VAPB: variants seen among roughly 807,000 people sequenced by gnomAD.
The protein encoded by VAPB is vesicle-associated membrane protein-associated protein B/C.
In VAPB, 7 loss-of-function variants were observed where a neutral mutation model predicts 25.6. That is an observed-to-expected ratio of 0.27 (90% confidence interval 0.16 to 0.51). The LOEUF (loss-of-function observed/expected upper bound fraction) is 0.51. VAPB is among the 20% of genes least tolerant of loss of function. The pLI, the probability that VAPB is intolerant of heterozygous loss-of-function variation, is 0.97. For synonymous variants in VAPB, 112 were observed against 109.2 expected, an observed-to-expected ratio of 1.03 and a Z score of -0.16; for missense variants, 266 against 301.3, an observed-to-expected ratio of 0.88 and a Z score of 0.87.
At chr20:58,424,042 C>T (rs927314424) in intron 2 of VAPB, among the ~76,000 whole-genome samples, 1 of 152,124 alleles carries the variant, frequency 6.6e-6, no homozygotes, top group Non-Finnish European at 1.5e-5. Flanking sequence ...TTATTCTTTA[C>T]ATTTTTAAAT....
In VAPB at chr20:58,448,607, T is replaced by G. The variant is rs141048912; in HGVS notation, c.*4372T>G. ...ACCATTTCAGCTCTGAAAATCTGCT[T>G]CAGGGAAGTGAGTGGATGAGGCCTT... On this transcript the variant is annotated 3_prime_UTR_variant, in exon 6 of 6. Coordinates refer to ENST00000475243, the MANE Select transcript of VAPB (RefSeq NM_004738.5). 2.6e-4 allele frequency: 120 copies of G among 454,106 alleles called. 1 individual carries two copies. Among genetic ancestry groups the G allele is most frequent in the African/African-American group, 2.3e-3 (114 of 50,120 alleles). The allele number at this position is 454,106 out of a possible 1,614,324, so 28.1% of individuals were successfully genotyped here.
At chr20:58,405,485 C>CA (rs1988204102) in intron 1 of VAPB, among the ~76,000 whole-genome samples, 2 of 133,856 alleles carry the variant, frequency 1.5e-5, no homozygotes, top group South Asian at 2.5e-4. Flanking sequence ...TTTTTGGAGA[C>CA]AGAGTCTTGC....
intron 5 of VAPB, among the ~76,000 whole-genome samples, chr20:58,443,398 G>GT (rs397773897): frequency 0.27 from 30,297 of 112,710 alleles, 4,358 homozygotes; most frequent in African/African-American, 0.28. Context: ...CCACTTTTAG[G>GT]TTTTTTTTTT....
At chr20:58,397,519 C>CAAA (rs535438075) in intron 1 of VAPB, among the ~76,000 whole-genome samples, 3 of 112,986 alleles carry the variant, frequency 2.7e-5, no homozygotes, top group African/African-American at 9.6e-5. Context: ...AACTCTGTCT[C>CAAA]AAAAAAAAAA....
chr20:58,414,232 C>G, intron 1 of VAPB, among the ~76,000 whole-genome samples: 1 of 143,424 alleles, frequency 7.0e-6, no homozygotes. Context: ...GGCTGACCCC[C>G]CAACCTCCCT....
At chr20:58,414,826 G>A (rs1284205141) in intron 1 of VAPB, among the ~76,000 whole-genome samples, 2 of 152,216 alleles carry the variant, frequency 1.3e-5, no homozygotes, top group Admixed American at 1.3e-4. Context: ...ACGGGGTGGC[G>A]GCCGGGCAGA....
intron 2 of VAPB, among the ~76,000 whole-genome samples, chr20:58,428,945 G>T (rs2268915): frequency 6.6e-6 from 1 of 151,862 alleles, no homozygotes. Flanking sequence ...CACTGTGGCT[G>T]GCTGATGTAG....
intron 1 of VAPB, among the ~76,000 whole-genome samples, chr20:58,394,708 T>A (rs1339940083): frequency 6.6e-6 from 1 of 152,254 alleles, no homozygotes; most frequent in Non-Finnish European, 1.5e-5. Context: ...TATCCACCTA[T>A]TCACTCCTTT....
intron 2 of VAPB, among the ~76,000 whole-genome samples, chr20:58,425,596 A>G (rs1345338167): frequency 6.6e-6 from 1 of 152,194 alleles, no homozygotes; most frequent in African/African-American, 2.4e-5. Context: ...CCAATAAAGT[A>G]AGGTGCCCAC....
At chr20:58,435,361 T>C (rs1380131788) in intron 3 of VAPB, among the ~76,000 whole-genome samples, 1 of 152,064 alleles carries the variant, frequency 6.6e-6, no homozygotes, top group African/African-American at 2.4e-5. Context: ...CCATTGGCAT[T>C]CTGGGGCTGG....
chr20:58,415,094 A>G (rs13045272), intron 1 of VAPB, among the ~76,000 whole-genome samples: 26,277 of 137,394 alleles, frequency 0.19, 2,292 homozygotes, highest in Non-Finnish European at 0.23. Flanking sequence ...CGAGCCTGCA[A>G]TCGCAGGCAC....
rs767588111 is a variant in VAPB at position 58,446,730 on chromosome 20, T to C, written c.*2495T>C. ...CATGTTTGTGGGCCTTTTGACTGAG[T>C]GGCAGAAGGAAACTGCTCAGGAAGA... On this transcript the variant is annotated 3_prime_UTR_variant, in exon 6 of 6. Transcript: ENST00000475243. The C allele has an allele frequency of 2.2e-6, 1 of 453,822 alleles. No homozygotes were observed. The highest frequency in any genetic ancestry group is 4.4e-6 in the Non-Finnish European group (1 of 226,772). 28.1% of individuals were successfully genotyped at this position (453,822 alleles called of 1,614,324 possible).
At chr20:58,416,345 G>A (rs892112827) in intron 1 of VAPB, among the ~76,000 whole-genome samples, 2 of 90,868 alleles carry the variant, frequency 2.2e-5, no homozygotes, top group African/African-American at 4.2e-5. Context: ...TTTTTGTAGA[G>A]TACCTTGAAG....
At position 58,445,796 on chromosome 20, in the gene VAPB, T is replaced by C. The variant is rs1403711589; in HGVS notation, c.*1561T>C. On this transcript the variant is annotated 3_prime_UTR_variant, in exon 6 of 6. Transcript: ENST00000475243. Reference sequence around the variant, plus strand: ...GAAAAAGCTGAGCACCTGGTCACCCTTGGCCTTCCATTGCTTTGGCCTTCA... The same window carrying C: ...GAAAAAGCTGAGCACCTGGTCACCCCTGGCCTTCCATTGCTTTGGCCTTCA... 1 of 453,770 alleles carries C rather than the reference T, an allele frequency of 2.2e-6. No homozygotes were observed. 28.1% of individuals were successfully genotyped at this position (453,770 alleles called of 1,614,324 possible).
intron 5 of VAPB, among the ~76,000 whole-genome samples, chr20:58,443,486 A>G (rs1019633138): frequency 1.4e-5 from 2 of 146,670 alleles, no homozygotes; most frequent in Admixed American, 6.9e-5. Flanking sequence ...AGGTTTTACC[A>G]TGTTGACCAA....
At position 58,449,361 on chromosome 20, in the gene VAPB, C is replaced by T; in HGVS notation, c.*5126C>T. ...GAAAAATTTAAAAGACATGAACTCA[C>T]ATAAACAGTTATGGATGATAGTTAA... On this transcript the variant is annotated 3_prime_UTR_variant, in exon 6 of 6. Coordinates refer to ENST00000475243, the MANE Select transcript of VAPB (RefSeq NM_004738.5). 2.2e-6 allele frequency: 1 copy of T among 453,386 alleles called. No homozygotes were observed. Among genetic ancestry groups the T allele is most frequent in the Non-Finnish European group, 4.4e-6 (1 of 226,658 alleles). 28.1% of individuals were successfully genotyped at this position (453,386 alleles called of 1,614,324 possible). A position where few individuals can be genotyped will look rare whatever the true frequency, so the allele number is the denominator to read the frequency against.
At chr20:58,398,771 C>T (rs1200660517) in intron 1 of VAPB, among the ~76,000 whole-genome samples, 3 of 151,900 alleles carry the variant, frequency 2.0e-5, no homozygotes, top group Admixed American at 2.0e-4. Context: ...AGTTATGATC[C>T]TGAAGTTATT....
At chr20:58,437,176 G>A (rs1989068146) in intron 3 of VAPB, among the ~76,000 whole-genome samples, 1 of 151,196 alleles carries the variant, frequency 6.6e-6, no homozygotes, top group African/African-American at 2.4e-5. Flanking sequence ...ATGTTGCCCA[G>A]GCTGGTCTTG....
intron 2 of VAPB, among the ~76,000 whole-genome samples, chr20:58,427,093 T>C (rs1215221139): frequency 6.6e-6 from 1 of 151,666 alleles, no homozygotes; most frequent in East Asian, 2.0e-4. Context: ...GTTACCGTTA[T>C]GATGCAGGCG....
Sources: allele counts gnomAD v4.1 joint callset (sites outside exome capture counted in the v4.1 genomes callset), GRCh38; gene constraint gnomAD v4.1.1; transcripts MANE v1.5; gene names NCBI Gene and HGNC (gene_info 2026-07-23, HGNC 2026-07-21).